Variants in EIF1AX observed in about 807,000 individuals in gnomAD.
EIF1AX encodes the protein eukaryotic translation initiation factor 1A, X-chromosomal.
A neutral mutation model predicts 16.1 loss-of-function variants in EIF1AX; 1 was observed. The observed-to-expected ratio is 0.06, with a 90% CI of 0.02 to 0.30. The LOEUF is 0.30. EIF1AX is among the 10% of genes least tolerant of loss of function. The pLI, the probability that EIF1AX is intolerant of heterozygous loss-of-function variation, is 1.00. For synonymous variants in EIF1AX, 32 were observed against 37.3 expected, an observed-to-expected ratio of 0.86 and a Z score of 0.51; for missense variants, 11 against 109.1, an observed-to-expected ratio of 0.10 and a Z score of 4.00.
intron 2 of EIF1AX, chrX:20,136,197 C>A: frequency 3.2e-6 from 1 of 317,311 alleles, no homozygotes; most frequent in Non-Finnish European, 6.1e-6. Context: ...CTCATTCATT[C>A]CTACAACTGC....
chrX:20,137,994 GTTTTTTTTTT>G (rs72040979), intron 2 of EIF1AX, among the ~76,000 whole-genome samples: 1 of 36,745 alleles, frequency 2.7e-5, no homozygotes, highest in African/African-American at 1.2e-4. Flanking sequence ...TCTCTATACA[GTTTTTTTTTT>G]TTTTTTTTTT....
At position 20,126,349 on chromosome X, in the gene EIF1AX, T is replaced by C. The variant is rs1182051239; in HGVS notation, c.*1957A>G. The C allele has an allele frequency of 8.1e-6, 1 of 123,760 alleles. No individual in the cohort carries two copies. Among genetic ancestry groups the C allele is most frequent in the Non-Finnish European group, 1.5e-5 (1 of 64,870 alleles). 10.2% of individuals were successfully genotyped at this position (123,760 alleles called of 1,213,427 possible). ...ACTTTACCCCAACTATTTTAATCACTATGATTCGAGATTTCCTAGGATTTA... is the reference window on the plus strand; with the variant it reads ...ACTTTACCCCAACTATTTTAATCACCATGATTCGAGATTTCCTAGGATTTA... On this transcript the variant is annotated 3_prime_UTR_variant, in exon 7 of 7. Transcript: ENST00000379607.
chrX:20,125,595 T>C lies in EIF1AX; in HGVS notation c.*2711A>G. ...TCAATCCAGTCAATACCGGTTGTTG[T>C]TAAGTCTGTATACAAGTAAAGTATA... On this transcript the variant is annotated 3_prime_UTR_variant, in exon 7 of 7. Transcript: ENST00000379607. 2 of 169,269 alleles carry C rather than the reference T, an allele frequency of 1.2e-5. No homozygotes were observed. Among genetic ancestry groups the C allele is most frequent in the Non-Finnish European group, 2.3e-5 (2 of 87,568 alleles). The allele number at this position is 169,269 out of a possible 1,213,427, so 13.9% of individuals were successfully genotyped here.
At chrX:20,130,685 T>C in intron 5 of EIF1AX, 78 bp from the exon 6 acceptor site, 2 of 920,891 alleles carry the variant, frequency 2.2e-6, no homozygotes, top group East Asian at 3.8e-5. Flanking sequence ...ATTCCTTTTA[T>C]ATAAGACAAT....
Position 20,138,862 on chromosome X carries a change from C to T in EIF1AX, c.17-240G>A, listed in dbSNP as rs2067025673. On this transcript the variant is annotated intron_variant, in intron 1 of 6. Transcript: ENST00000379607. ...TTGGGGATTTTTCTGACATAAAATA[C>T]ACATAAATAGCAGATATTATGTTAA... Among the ~76,000 whole-genome samples the T allele has an allele frequency of 2.7e-5, 3 of 111,897 alleles. No individual in the cohort carries two copies. The South Asian group carries it at 1.1e-3, about 42-fold the overall frequency.
intron 1 of EIF1AX, among the ~76,000 whole-genome samples, chrX:20,138,915 C>G (rs762374729): frequency 8.6e-4 from 96 of 112,164 alleles, no homozygotes; most frequent in African/African-American, 3.0e-3. Context: ...TTCACTTTAG[C>G]ACCCATCCTT....
chrX:20,132,623 A>T (rs1318292564), intron 4 of EIF1AX, among the ~76,000 whole-genome samples: 1 of 112,097 alleles, frequency 8.9e-6, no homozygotes, highest in Non-Finnish European at 1.9e-5. Context: ...CAAACACTGC[A>T]ATTCCAAAAC....
At position 20,127,761 on chromosome X, in the gene EIF1AX, G is replaced by A. The variant is rs1234953820; in HGVS notation, c.*545C>T. The A allele has an allele frequency of 1.0e-4, 15 of 147,490 alleles. No homozygotes were observed. In the South Asian group the frequency reaches 1.3e-3, roughly 13 times the overall value. 12.2% of individuals were successfully genotyped at this position (147,490 alleles called of 1,213,427 possible). A position where few individuals can be genotyped will look rare whatever the true frequency, so the allele number is the denominator to read the frequency against. ...TTTTATGTTTACGGTGGCAAAATAC[G>A]ACTATGAAAAGAACATGATATCAAA... On this transcript the variant is annotated 3_prime_UTR_variant, in exon 7 of 7. Coordinates refer to ENST00000379607, the MANE Select transcript of EIF1AX (RefSeq NM_001412.4).
rs2148605845 is a variant in EIF1AX at position 20,125,893 on chromosome X, T to TAAG, written c.*2410_*2412dup. 6.5e-6 allele frequency: 1 copy of TAAG among 154,191 alleles called. No homozygotes were observed. Among genetic ancestry groups the TAAG allele is most frequent in the East Asian group, 9.8e-5 (1 of 10,187 alleles). 12.7% of individuals were successfully genotyped at this position (154,191 alleles called of 1,213,427 possible). On this transcript the variant is annotated 3_prime_UTR_variant, in exon 7 of 7. Coordinates refer to ENST00000379607, the MANE Select transcript of EIF1AX (RefSeq NM_001412.4). ...CATCATGCATAGTTTACAGGCTTGG[T>TAAG]AAGAAGCGGTCTCTTTAGGGGCCAG... is the stretch of plus-strand genomic sequence containing the variant.
chrX:20,131,248 G>A (rs2067000277), intron 5 of EIF1AX, among the ~76,000 whole-genome samples: 1 of 111,833 alleles, frequency 8.9e-6, no homozygotes, highest in Non-Finnish European at 1.9e-5. Context: ...TTTTGTATTT[G>A]GAAGGGTGAA....
chrX:20,128,425 G>A (rs1361333389), intron 6 of EIF1AX, 114 bp from the exon 7 acceptor site: 11 of 557,895 alleles, frequency 2.0e-5, no homozygotes, highest in Non-Finnish European at 3.0e-5. Context: ...AACAAATCCA[G>A]TTTGAAGAAG....
intron 5 of EIF1AX, among the ~76,000 whole-genome samples, chrX:20,131,879 C>T (rs1468220564): frequency 9.3e-6 from 1 of 107,419 alleles, no homozygotes; most frequent in Non-Finnish European, 1.9e-5. Flanking sequence ...CGTGTTTAAC[C>T]CATATGCGCA....
chrX:20,138,553 T>C lies in EIF1AX; in HGVS notation c.86A>G (p.Lys29Arg). 8.3e-7 allele frequency: 1 copy of C among 1,200,751 alleles called. No homozygotes were observed. The highest frequency in any genetic ancestry group is 1.1e-6 in the Non-Finnish European group (1 of 886,745). Reference sequence around the variant, plus strand: ...AAAACACTTACCCTGACCATCCTCTTTGAATACCAGTTCTCTTTTTTCAGA... The same window carrying C: ...AAAACACTTACCCTGACCATCCTCTCTGAATACCAGTTCTCTTTTTTCAGA... ...NESEKRELVF[K>R]EDGQEYAQVI... is the part of the protein sequence containing the mutation. The change falls in exon 2 of 7, where the codon AAA (lysine) becomes AGA (arginine). Residue 29 changes from lysine (K) to arginine (R), a missense_variant. Coordinates refer to ENST00000379607, the MANE Select transcript of EIF1AX (RefSeq NM_001412.4).
chrX:20,130,400 C>A (rs755191095), intron 6 of EIF1AX, 116 bp downstream of exon 6: 2 of 630,227 alleles, frequency 3.2e-6, no homozygotes, highest in East Asian at 1.9e-4. Context: ...AGACAATTCT[C>A]AAAATACAAC....
chrX:20,131,067 G>A (rs942217494), intron 5 of EIF1AX, among the ~76,000 whole-genome samples: 3 of 111,730 alleles, frequency 2.7e-5, no homozygotes, highest in Non-Finnish European at 5.6e-5. Context: ...GGACTTTCAT[G>A]CTTAAGTAAA....
At position 20,130,479 on chromosome X, in the gene EIF1AX, T is replaced by C. The variant is rs770762276; in HGVS notation, c.429+37A>G. ...GGAAAGTTGGTTTCTCCATGGATAA[T>C]AACAAAAATTGGAAAACACAAGGTA... is the stretch of plus-strand genomic sequence containing the variant. On this transcript the variant is annotated intron_variant, in intron 6 of 6. Transcript: ENST00000379607. 3 of 1,153,494 alleles carry C rather than the reference T, an allele frequency of 2.6e-6. No homozygotes were observed. The South Asian group carries it at 6.4e-5, about 25-fold the overall frequency.
chrX:20,130,023 C>T (rs1351731994), intron 6 of EIF1AX, among the ~76,000 whole-genome samples: 2 of 111,003 alleles, frequency 1.8e-5, no homozygotes, highest in Non-Finnish European at 3.8e-5. Flanking sequence ...AAAATAGGGC[C>T]GGGCATGGTG....
At chrX:20,134,070 T>G in intron 3 of EIF1AX, 63 bp from the exon 4 acceptor site, 1 of 1,071,638 alleles carries the variant, frequency 9.3e-7, no homozygotes. Context: ...AATTCCAGAG[T>G]AACAATCAAT....
In EIF1AX at chrX:20,125,418, A is replaced by C; in HGVS notation, c.*2888T>G. 5.8e-6 allele frequency: 1 copy of C among 172,724 alleles called. No individual in the cohort carries two copies. The highest frequency in any genetic ancestry group is 1.1e-5 in the Non-Finnish European group (1 of 89,663). The allele number at this position is 172,724 out of a possible 1,213,427, so 14.2% of individuals were successfully genotyped here. ...AAACCAAAAACACAAAGCAGTGTGC[A>C]AAAGTTCATGGGAGTCCAAAGAGTA... On this transcript the variant is annotated 3_prime_UTR_variant, in exon 7 of 7. Coordinates refer to ENST00000379607, the MANE Select transcript of EIF1AX (RefSeq NM_001412.4).
Sources: gnomAD v4.1 joint callset for allele counts (sites outside exome capture counted in the v4.1 genomes callset) on GRCh38, gnomAD v4.1.1 for gene constraint, MANE v1.5 for transcripts, NCBI Gene and HGNC (gene_info 2026-07-23, HGNC 2026-07-21) for gene names.